The following NRXN1 variants were observed in gnomAD, a reference collection of about 807,000 sequenced individuals.
The protein encoded by NRXN1 is neurexin-1.
In NRXN1, 39 loss-of-function variants were observed where a neutral mutation model predicts 150.9. The ratio of observed to expected loss-of-function variants is 0.26; its 90% confidence interval spans 0.20 to 0.34. NRXN1 has a LOEUF of 0.34. Among genes scored for constraint, NRXN1 ranks in the 10% least tolerant of loss-of-function variants. NRXN1 has a pLI of 1.00. For missense variants in NRXN1, 1,815 were observed against 1,949.9 expected, an observed-to-expected ratio of 0.93 and a Z score of 1.30; for synonymous variants, 924 against 757.0, an observed-to-expected ratio of 1.22 and a Z score of -3.62.
At chr2:50,887,395 A>C (rs1309596484) in intron 5 of NRXN1, among the ~76,000 whole-genome samples, 1 of 151,496 alleles carries the variant, frequency 6.6e-6, no homozygotes, top group Non-Finnish European at 1.5e-5. Flanking sequence ...AAAGCTGGCC[A>C]TATTTGTAAA....
At chr2:50,694,581 G>C (rs1161655915) in intron 5 of NRXN1, among the ~76,000 whole-genome samples, 1 of 152,062 alleles carries the variant, frequency 6.6e-6, no homozygotes, top group Non-Finnish European at 1.5e-5. Context: ...ATTTATCTCT[G>C]TTCATCTCTA....
rs978892144 is a variant in NRXN1, at chr2:49,921,861, A to G, written c.*83T>C. Reference sequence around the variant, plus strand: ...TGTCTTCTTTTGTATGTGCTTCATAAAAAGGAAAGTAAATAAGTTTATATT... The same window carrying G: ...TGTCTTCTTTTGTATGTGCTTCATAGAAAGGAAAGTAAATAAGTTTATATT... On this transcript the variant is annotated 3_prime_UTR_variant, in exon 23 of 23. Coordinates refer to ENST00000401669, the MANE Select transcript of NRXN1 (RefSeq NM_001330078.2). 4.2e-5 allele frequency: 59 copies of G among 1,411,502 alleles called. No individual in the cohort carries two copies. In the East Asian group the frequency reaches 1.4e-3, roughly 33 times the overall value. The allele number at this position is 1,411,502 out of a possible 1,614,324, so 87.4% of individuals were successfully genotyped here.
At chr2:49,946,898 A>G (rs1345785903) in intron 21 of NRXN1, among the ~76,000 whole-genome samples, 7 of 152,108 alleles carry the variant, frequency 4.6e-5, no homozygotes, top group African/African-American at 1.2e-4. Context: ...AGAGGCCTCA[A>G]TGTAACTCTT....
intron 21 of NRXN1, among the ~76,000 whole-genome samples, chr2:49,944,733 A>G (rs182768087): frequency 8.5e-5 from 13 of 152,300 alleles, no homozygotes; most frequent in Non-Finnish European, 2.9e-5. Context: ...AGAGAATCCA[A>G]TGTATACAAA....
At chr2:50,089,307 G>A (rs1187381396) in intron 19 of NRXN1, among the ~76,000 whole-genome samples, 1 of 152,152 alleles carries the variant, frequency 6.6e-6, no homozygotes, top group Non-Finnish European at 1.5e-5. Context: ...TGCACGTTCA[G>A]GTCCACTGTT....
chr2:49,948,828 G>A (rs540409616), intron 21 of NRXN1, among the ~76,000 whole-genome samples: 1 of 151,782 alleles, frequency 6.6e-6, no homozygotes, highest in African/African-American at 2.4e-5. Flanking sequence ...GAGACAACCT[G>A]CTGAAAAAGA....
intron 22 of NRXN1, among the ~76,000 whole-genome samples, chr2:49,929,923 A>C (rs1669830700): frequency 6.6e-6 from 1 of 152,182 alleles, no homozygotes; most frequent in Non-Finnish European, 1.5e-5. Context: ...AACAGCTGGG[A>C]TATGCATGAT....
In NRXN1 at chr2:49,967,836, T is replaced by A. The variant is rs533386860; in HGVS notation, c.4129-24045A>T. Among the ~76,000 whole-genome samples, 48 of 152,154 alleles carry A rather than the reference T, an allele frequency of 3.2e-4. 1 individual carries two copies. In the South Asian group the frequency reaches 7.5e-3, roughly 24 times the overall value. On this transcript the variant is annotated intron_variant, in intron 21 of 22. Transcript: ENST00000401669. ...TTGTTGCAGTGGATGTCTTAAGAAG[T>A]GTCCTCAGCTTCCTTTTCTCTAGCC... is the stretch of plus-strand genomic sequence containing the variant.
chr2:50,576,896 T>C (rs1256763152), intron 8 of NRXN1, among the ~76,000 whole-genome samples: 3 of 152,120 alleles, frequency 2.0e-5, no homozygotes, highest in African/African-American at 7.2e-5. Flanking sequence ...AAGTAGCTCT[T>C]CTTTGGGGCT....
chr2:50,926,054 C>A (rs1686826295), intron 2 of NRXN1, 99 bp from the exon 3 acceptor site: 6 of 874,010 alleles, frequency 6.9e-6, no homozygotes, highest in African/African-American at 1.7e-5. Context: ...ATGCAAGGCA[C>A]CAAACACATC....
At chr2:50,527,499 T>A (rs1350073072) in intron 12 of NRXN1, among the ~76,000 whole-genome samples, 1 of 152,212 alleles carries the variant, frequency 6.6e-6, no homozygotes, top group Admixed American at 6.5e-5. Context: ...AACTTAATTT[T>A]TAATAAGTCA....
chr2:50,504,276 G>A (rs776255382), intron 13 of NRXN1, among the ~76,000 whole-genome samples: 10 of 151,872 alleles, frequency 6.6e-5, no homozygotes, highest in Non-Finnish European at 1.5e-4. Context: ...AAAATAAATT[G>A]TTATCTATGC....
intron 15 of NRXN1, among the ~76,000 whole-genome samples, chr2:50,483,793 G>A (rs954068684): frequency 6.6e-6 from 1 of 152,202 alleles, no homozygotes; most frequent in African/African-American, 2.4e-5. Context: ...AGATAGAGGA[G>A]TTTAGAAATG....
At chr2:50,759,030 A>T (rs920910984) in intron 5 of NRXN1, among the ~76,000 whole-genome samples, 8 of 152,082 alleles carry the variant, frequency 5.3e-5, no homozygotes, top group Admixed American at 5.2e-4. Flanking sequence ...ATTATCTTCA[A>T]ACCAATAATA....
chr2:50,766,881 T>C (rs1181281643), intron 5 of NRXN1, among the ~76,000 whole-genome samples: 1 of 151,962 alleles, frequency 6.6e-6, no homozygotes, highest in Non-Finnish European at 1.5e-5. Flanking sequence ...GACAAAACAA[T>C]AGCTGGGAGA....
intron 17 of NRXN1, among the ~76,000 whole-genome samples, chr2:50,255,580 A>T (rs763314784): frequency 6.6e-6 from 1 of 152,180 alleles, no homozygotes; most frequent in African/African-American, 2.4e-5. Context: ...CTCACATTTG[A>T]AACATACGTC....
intron 5 of NRXN1, among the ~76,000 whole-genome samples, chr2:50,841,804 C>T (rs1429436883): frequency 6.6e-6 from 1 of 152,152 alleles, no homozygotes; most frequent in Non-Finnish European, 1.5e-5. Context: ...ATTTCCAGCT[C>T]CCATTCTCTC....
At chr2:50,110,590 T>C (rs1381027152) in intron 18 of NRXN1, among the ~76,000 whole-genome samples, 2 of 152,114 alleles carry the variant, frequency 1.3e-5, no homozygotes, top group East Asian at 3.9e-4. Flanking sequence ...GTCAAATTCT[T>C]TTTCCAACTT....
chr2:50,473,237 G>A (rs761650271), intron 15 of NRXN1, among the ~76,000 whole-genome samples: 3 of 151,564 alleles, frequency 2.0e-5, no homozygotes, highest in Non-Finnish European at 4.4e-5. Context: ...TCTGAAATCC[G>A]TTAACAAATT....
Sources: gnomAD v4.1 joint callset for allele counts (sites outside exome capture counted in the v4.1 genomes callset) on GRCh38, gnomAD v4.1.1 for gene constraint, MANE v1.5 for transcripts, NCBI Gene and HGNC (gene_info 2026-07-23, HGNC 2026-07-21) for gene names.